LRBA: variants seen among roughly 807,000 people sequenced by gnomAD.
The protein encoded by LRBA is lipopolysaccharide-responsive and beige-like anchor protein.
A neutral mutation model predicts 330.0 loss-of-function variants in LRBA; 176 were observed. The ratio of observed to expected loss-of-function variants is 0.53; its 90% CI spans 0.47 to 0.60. The LOEUF (loss-of-function observed/expected upper bound fraction) is 0.60, where lower values mean the gene tolerates loss of function less well. Among genes scored for constraint, LRBA ranks in the 20% least tolerant of loss-of-function variants. The pLI, the probability that LRBA is intolerant of heterozygous loss-of-function variation, is 0.00. For synonymous variants in LRBA, 1,230 were observed against 1,193.0 expected, an observed-to-expected ratio of 1.03 and a Z score of -0.64; for missense variants, 3,259 against 3,444.8, an observed-to-expected ratio of 0.95 and a Z score of 1.35.
chr4:151,008,172 C>T (rs925587688), intron 2 of LRBA, among the ~76,000 whole-genome samples: 4 of 151,698 alleles, frequency 2.6e-5, no homozygotes, highest in Admixed American at 1.3e-4. Context: ...CCTCCGCCTC[C>T]CGGGTTCAAG....
At chr4:150,601,889 C>T (rs897348143) in intron 37 of LRBA, among the ~76,000 whole-genome samples, 2 of 152,036 alleles carry the variant, frequency 1.3e-5, no homozygotes, top group Non-Finnish European at 2.9e-5. Flanking sequence ...GACAGGGTTT[C>T]ACCATATTAG....
chr4:150,314,884 T>C (rs934608599), intron 51 of LRBA: 1 of 152,174 alleles, frequency 6.6e-6, no homozygotes, highest in Non-Finnish European at 1.5e-5. Flanking sequence ...CAATGGCTCT[T>C]TCTGGTCGCC....
intron 34 of LRBA, among the ~76,000 whole-genome samples, chr4:150,768,927 C>CTTTTTTTTTTT (rs70941440): frequency 1.3e-5 from 1 of 75,026 alleles, no homozygotes; most frequent in African/African-American, 5.1e-5. Context: ...GTGCTGTCTC[C>CTTTTTTTTTTT]TTTTTTTTTT....
In LRBA at chr4:150,721,055, T is replaced by G. The variant is rs115113850; in HGVS notation, c.5754+14203A>C. The G allele has an allele frequency of 5.5e-4, 311 of 563,994 alleles. 1 individual carries two copies. The highest frequency in any genetic ancestry group is 1.3e-3 in the Admixed American group (69 of 51,190). 34.9% of individuals were successfully genotyped at this position (563,994 alleles called of 1,614,324 possible). On this transcript the variant is annotated intron_variant, in intron 36 of 56. Coordinates refer to ENST00000651943, the MANE Select transcript of LRBA (RefSeq NM_001364905.1). ...AGAAGGCGATCAAGGCCAACTATCC[T>G]CCAGTTAATAGGAATTATGAGTATT... is the stretch of plus-strand genomic sequence containing the variant.
intron 5 of LRBA, among the ~76,000 whole-genome samples, chr4:150,920,760 A>G (rs576600695): frequency 6.6e-6 from 1 of 152,256 alleles, no homozygotes; most frequent in South Asian, 2.1e-4. Flanking sequence ...TAATTTGGAA[A>G]CTCACAAGTC....
chr4:150,799,933 CG>C (rs1741356770), intron 33 of LRBA, among the ~76,000 whole-genome samples: 1 of 152,108 alleles, frequency 6.6e-6, no homozygotes, highest in African/African-American at 2.4e-5. Context: ...TTAGTAGAGA[CG>C]GAGTTTCACC....
chr4:150,365,944 G>T (rs989599470), intron 47 of LRBA, among the ~76,000 whole-genome samples: 37 of 151,988 alleles, frequency 2.4e-4, no homozygotes, highest in African/African-American at 8.7e-4. Flanking sequence ...GTAACTACCC[G>T]ATTGGTTCTA....
In LRBA at chr4:150,513,254, C is replaced by T. The variant is rs116110132; in HGVS notation, c.6331-22219G>A. ...AAGTAGTAATTGCCATCTTATATGACACACTGTTTTCAAGGATGTTTGCAT... is the reference window on the plus strand; with the variant it reads ...AAGTAGTAATTGCCATCTTATATGATACACTGTTTTCAAGGATGTTTGCAT... On this transcript the variant is annotated intron_variant, in intron 40 of 56. Transcript: ENST00000651943. 1.2e-3 allele frequency among the ~76,000 whole-genome samples: 182 copies of T among 152,318 alleles called. 4 individuals are homozygous for T. The highest frequency in any genetic ancestry group is 4.3e-3 in the African/African-American group (178 of 41,560).
rs554667039 is a variant in LRBA, at chr4:150,273,024, T to C, written c.8468+4829A>G. On this transcript the variant is annotated intron_variant, in intron 56 of 56. Transcript: ENST00000651943. ...ACATAATCATCAGATTATGTGAAGGTAGAAATGAAGGAAAAATTGTTAAGG... is the reference window on the plus strand; with the variant it reads ...ACATAATCATCAGATTATGTGAAGGCAGAAATGAAGGAAAAATTGTTAAGG... 3.3e-5 allele frequency among the ~76,000 whole-genome samples: 5 copies of C among 151,966 alleles called. No individual in the cohort carries two copies. The East Asian group carries it at 5.8e-4, about 18-fold the overall frequency.
At chr4:150,746,803 C>T (rs771550487) in intron 35 of LRBA, among the ~76,000 whole-genome samples, 45 of 152,258 alleles carry the variant, frequency 3.0e-4, no homozygotes, top group South Asian at 8.3e-4. Context: ...AGCCACTACG[C>T]CCGGCCAAAA....
chr4:151,008,636 C>T (rs146035054), intron 2 of LRBA, among the ~76,000 whole-genome samples: 1 of 151,848 alleles, frequency 6.6e-6, no homozygotes, highest in East Asian at 1.9e-4. Flanking sequence ...AGTTCAAACT[C>T]ATGTTATTCA....
chr4:150,555,167 T>G (rs769082803), intron 40 of LRBA, among the ~76,000 whole-genome samples: 3 of 152,184 alleles, frequency 2.0e-5, no homozygotes, highest in Non-Finnish European at 2.9e-5. Flanking sequence ...CAATATCAAT[T>G]CTTTCCATCA....
chr4:150,560,065 A>G (rs1171233114), intron 40 of LRBA, among the ~76,000 whole-genome samples: 1 of 146,392 alleles, frequency 6.8e-6, no homozygotes, highest in African/African-American at 2.5e-5. Context: ...CATAAATTTG[A>G]TTACTATTAT....
intron 37 of LRBA, among the ~76,000 whole-genome samples, chr4:150,627,782 G>T (rs1302355644): frequency 6.6e-6 from 1 of 151,792 alleles, no homozygotes; most frequent in East Asian, 1.9e-4. Flanking sequence ...ATAAAGTACT[G>T]GAATGTCTTT....
At chr4:150,839,417 G>A (rs1421388806) in intron 28 of LRBA, among the ~76,000 whole-genome samples, 1 of 152,154 alleles carries the variant, frequency 6.6e-6, no homozygotes, top group Admixed American at 6.5e-5. Flanking sequence ...AAATCATGCT[G>A]CTATAAAGAC....
At chr4:150,860,064 G>A (rs1046705849) in intron 22 of LRBA, among the ~76,000 whole-genome samples, 2 of 152,022 alleles carry the variant, frequency 1.3e-5, no homozygotes, top group African/African-American at 4.8e-5. Context: ...GAGCCTTAGG[G>A]TATAAGTTTC....
intron 22 of LRBA, among the ~76,000 whole-genome samples, chr4:150,861,586 C>T (rs75464012): frequency 0.027 from 4,164 of 152,160 alleles, 179 homozygotes; most frequent in African/African-American, 0.095. Flanking sequence ...CTGGGTCAAT[C>T]AGTGAGTAAG....
intron 37 of LRBA, among the ~76,000 whole-genome samples, chr4:150,613,549 T>C (rs544165726): frequency 1.4e-4 from 22 of 152,324 alleles, no homozygotes; most frequent in African/African-American, 4.6e-4. Flanking sequence ...CAAGAGGCTA[T>C]AGAGGGCAGG....
chr4:150,868,257 G>A lies in LRBA; in HGVS notation c.2498C>T (p.Pro833Leu). Residue 833 changes from proline to leucine, a missense_variant, in exon 21 of 57, where the codon CCA (proline) becomes CTA (leucine). By Grantham distance (98) the Pro-to-Leu change is moderately conservative. Transcript: ENST00000651943. ...GGCTCTGCGAACCTCCATGCTCTCT[G>A]GGCACTGGGGAGAATTTCGAAGTAG... ...ATLLRNSPQC[P>L]ESMEVRRAFL... is the part of the protein sequence containing the mutation. The A allele has an allele frequency of 6.2e-7, 1 of 1,611,814 alleles. No homozygotes were observed. Among genetic ancestry groups the A allele is most frequent in the African/African-American group, 1.3e-5 (1 of 74,956 alleles).
Sources: gnomAD v4.1 joint callset for allele counts (sites outside exome capture counted in the v4.1 genomes callset) on GRCh38, gnomAD v4.1.1 for gene constraint, MANE v1.5 for transcripts, NCBI Gene and HGNC (gene_info 2026-07-23, HGNC 2026-07-21) for gene names.